The following SYDE2 variants were observed in gnomAD, a reference collection of about 807,000 sequenced individuals.
SYDE2 encodes synapse defective Rho GTPase homolog 2.
Under a neutral mutation model 91.5 loss-of-function variants are expected in SYDE2, and 76 were observed. The ratio of observed to expected loss-of-function variants is 0.83; its 90% CI spans 0.69 to 1.01. SYDE2 has a LOEUF of 1.01. Ranked by LOEUF, SYDE2 falls within the 50% of genes least tolerant of loss-of-function variation. The pLI is 0.00. For synonymous variants in SYDE2, 513 were observed against 506.4 expected (o/e 1.01, Z -0.18); for missense variants, 1,364 against 1,367.7 (o/e 1.00, Z 0.04).
chr1:85,187,342 C>T (rs1423204655), intron 2 of SYDE2, among the ~76,000 whole-genome samples: 1 of 152,062 alleles, frequency 6.6e-6, no homozygotes, highest in Non-Finnish European at 1.5e-5. Flanking sequence ...GTTCGAATGG[C>T]AATCATTAAA....
At position 85,190,336 on chromosome 1, in the gene SYDE2, T is replaced by G. The variant is rs1312786915; in HGVS notation, c.1162A>C (p.Ser388Arg). 1 of 1,613,800 alleles carries G rather than the reference T, an allele frequency of 6.2e-7. No individual in the cohort carries two copies. The highest frequency in any genetic ancestry group is 8.5e-7 in the Non-Finnish European group (1 of 1,179,880). ...ACAGCAGAGTCGGCCTCACCAAAAC[T>G]CAAGGCACTTGATATACCAAGGTCA... The part of the protein sequence containing the change: ...DDDLGISSAL[S>R]FGEADSAVLK... The change falls in exon 2 of 7, where the codon AGT becomes CGT. Residue 388 changes from serine to arginine, a missense_variant. By Grantham distance (110) the Ser-to-Arg change is moderately radical. Transcript: ENST00000341460.
chr1:85,164,649 TTAA>T lies in SYDE2; in HGVS notation c.2959_2961del (p.Leu987del). On this transcript the variant is annotated inframe_deletion, in exon 6 of 7. Transcript: ENST00000341460. ...TGGGTGGAAGGCTCTTGCCTCTGAC[TTAA>T]TAATACTGGTCCAAAGCACACAGCC... 1.9e-6 allele frequency: 3 copies of T among 1,590,462 alleles called. No homozygotes were observed. Among genetic ancestry groups the T allele is most frequent in the African/African-American group, 2.7e-5 (2 of 74,658 alleles).
At chr1:85,181,038 G>C (rs1177932832) in intron 3 of SYDE2, 1 of 151,048 alleles carries the variant, frequency 6.6e-6, no homozygotes, top group Non-Finnish European at 1.5e-5. Context: ...ACAGAATGAT[G>C]TATCTGAGTT....
intron 4 of SYDE2, 148 bp from the exon 5 acceptor site, chr1:85,169,373 A>G (rs1419609561): frequency 3.3e-6 from 2 of 605,330 alleles, no homozygotes; most frequent in Non-Finnish European, 5.6e-6. Context: ...ATTATAAAAT[A>G]CTAGCATTTT....
chr1:85,195,128 C>T (rs860140), intron 1 of SYDE2, among the ~76,000 whole-genome samples: 12,506 of 151,130 alleles, frequency 0.083, 595 homozygotes, highest in Middle Eastern at 0.13. Flanking sequence ...CCACTGCACT[C>T]CAGGCTGGGC....
At chr1:85,162,632 T>C (rs1022111476) in intron 6 of SYDE2, among the ~76,000 whole-genome samples, 7 of 152,224 alleles carry the variant, frequency 4.6e-5, no homozygotes, top group Non-Finnish European at 1.0e-4. Flanking sequence ...GTCTTTAGAA[T>C]ACGGTGAATT....
chr1:85,160,581 A>G (rs1428333906), intron 6 of SYDE2: 3 of 985,138 alleles, frequency 3.0e-6, no homozygotes, highest in East Asian at 2.3e-4. Flanking sequence ...AGAATGGATA[A>G]CTGATTTTTC....
intron 2 of SYDE2, among the ~76,000 whole-genome samples, chr1:85,185,464 T>G (rs539376720): frequency 0.021 from 3,228 of 151,978 alleles, 101 homozygotes; most frequent in African/African-American, 0.074. Context: ...TTTCTTTGTA[T>G]CCTCTTTTAT....
chr1:85,159,413 A>C (rs1656982705), intron 6 of SYDE2, among the ~76,000 whole-genome samples, 164 bp from the exon 7 acceptor site: 1 of 152,234 alleles, frequency 6.6e-6, no homozygotes, highest in Admixed American at 6.5e-5. Context: ...TTTTATTACC[A>C]GAAATAATCT....
intron 3 of SYDE2, among the ~76,000 whole-genome samples, chr1:85,178,605 G>C (rs748856532): frequency 6.6e-6 from 1 of 152,052 alleles, no homozygotes; most frequent in Non-Finnish European, 1.5e-5. Flanking sequence ...TTTTGTTCTA[G>C]ACTGAAGTAG....
Position 85,200,518 on chromosome 1 carries a change from T to C in SYDE2, c.479A>G (p.Asp160Gly), listed in dbSNP as rs993059372. 2.5e-6 allele frequency: 4 copies of C among 1,613,440 alleles called. No homozygotes were observed. Among genetic ancestry groups the C allele is most frequent in the Admixed American group, 1.7e-5 (1 of 60,016 alleles). The change falls in exon 1 of 7, where the codon GAT becomes GGT. Residue 160 changes from aspartate (D) to glycine (G), a missense_variant. Asp to Gly is a moderately conservative substitution (Grantham distance 94). Transcript: ENST00000341460. ...GCGTATCACAGAGGACCCCGCTGGATCCCTGAAAGGGCTTCCCGAGGAGCA... is the reference window on the plus strand; with the variant it reads ...GCGTATCACAGAGGACCCCGCTGGACCCCTGAAAGGGCTTCCCGAGGAGCA... ...HGCSSGSPFR[D>G]PAGSSVIRSG...
In SYDE2 at chr1:85,189,953, A is replaced by G; in HGVS notation, c.1441+104T>C. 3 of 925,130 alleles carry G rather than the reference A, an allele frequency of 3.2e-6. No homozygotes were observed. The South Asian group carries it at 6.0e-5, about 18-fold the overall frequency. The allele number at this position is 925,130 out of a possible 1,614,324, so 57.3% of individuals were successfully genotyped here. A position where few individuals can be genotyped will look rare whatever the true frequency, so the allele number is the denominator to read the frequency against. ...TGAAAATATATTCACTTCACAAGAA[A>G]AAGTACATGAATATAACAAACATCT... On this transcript the variant is annotated intron_variant, in intron 2 of 6. Transcript: ENST00000341460.
rs1346364279 is a variant in SYDE2, at chr1:85,157,000, T to C, written c.*1750A>G. ...TTCAAGAGTACTTTCCTTTGACTGT[T>C]TACTCAATATATATGTTCTCTTGGT... is the stretch of plus-strand genomic sequence containing the variant. On this transcript the variant is annotated 3_prime_UTR_variant, in exon 7 of 7. Coordinates refer to ENST00000341460, the MANE Select transcript of SYDE2 (RefSeq NM_032184.2). 2 of 152,030 alleles carry C rather than the reference T, an allele frequency of 1.3e-5. No homozygotes were observed. Among genetic ancestry groups the C allele is most frequent in the African/African-American group, 2.4e-5 (1 of 41,444 alleles). 9.4% of individuals were successfully genotyped at this position (152,030 alleles called of 1,614,324 possible). A position where few individuals can be genotyped will look rare whatever the true frequency, so the allele number is the denominator to read the frequency against.
rs1008988240 is a variant in SYDE2, at chr1:85,177,849, C to T, written c.2671+297G>A. 2.0e-5 allele frequency among the ~76,000 whole-genome samples: 3 copies of T among 152,198 alleles called. No individual in the cohort carries two copies. The East Asian group carries it at 5.8e-4, about 29-fold the overall frequency. On this transcript the variant is annotated intron_variant, in intron 4 of 6. Transcript: ENST00000341460. ...CTATATCACCTAAGTACCAGTCAAA[C>T]TCAACTTCCAAAGCATTTTATTTAT... is the stretch of plus-strand genomic sequence containing the variant.
At chr1:85,193,833 G>A (rs1464734878) in intron 1 of SYDE2, among the ~76,000 whole-genome samples, 1 of 151,600 alleles carries the variant, frequency 6.6e-6, no homozygotes. Context: ...TCACTATGTT[G>A]CCTAGGCTGG....
At chr1:85,189,318 T>G (rs1383273169) in intron 2 of SYDE2, among the ~76,000 whole-genome samples, 6 of 152,168 alleles carry the variant, frequency 3.9e-5, no homozygotes. Flanking sequence ...TCTTCTTTCT[T>G]TTGCTCATGA....
chr1:85,179,116 A>C (rs1289618903), intron 3 of SYDE2, among the ~76,000 whole-genome samples: 1 of 152,206 alleles, frequency 6.6e-6, no homozygotes, highest in East Asian at 1.9e-4. Context: ...ACTTCAAAAA[A>C]ACTTGAGGAG....
intron 5 of SYDE2, among the ~76,000 whole-genome samples, chr1:85,166,338 C>CAA (rs532102373): frequency 1.1e-3 from 138 of 125,204 alleles, no homozygotes; most frequent in African/African-American, 2.7e-3. Context: ...GACTCCGTCT[C>CAA]AAAAAAAAAA....
intron 5 of SYDE2, among the ~76,000 whole-genome samples, chr1:85,165,217 G>A (rs962578270): frequency 5.9e-5 from 9 of 152,064 alleles, no homozygotes; most frequent in Admixed American, 3.9e-4. Flanking sequence ...CTGGGTGGCT[G>A]AACGAGACCC....
Sources: allele counts gnomAD v4.1 joint callset (sites outside exome capture counted in the v4.1 genomes callset), GRCh38; gene constraint gnomAD v4.1.1; transcripts MANE v1.5; gene names NCBI Gene and HGNC (gene_info 2026-07-23, HGNC 2026-07-21).